The following NRAP variants were observed in gnomAD, a reference collection of about 807,000 sequenced individuals.
The protein encoded by NRAP is nebulin related anchoring protein.
Under a neutral mutation model 225.9 loss-of-function variants are expected in NRAP, and 189 were observed. The observed-to-expected ratio is 0.84, with a 90% CI of 0.74 to 0.94. The LOEUF is 0.94. Ranked by LOEUF, NRAP falls within the 40% of genes least tolerant of loss-of-function variation. The pLI, the probability that NRAP is intolerant of heterozygous loss-of-function variation, is 0.00. For synonymous variants in NRAP, 769 were observed against 790.7 expected (o/e 0.97, Z 0.46); for missense variants, 2,176 against 2,168.7 (o/e 1.00, Z -0.07).
Position 113,629,602 on chromosome 10 carries a change from C to A in NRAP, c.2026G>T (p.Gly676Trp). 6.2e-7 allele frequency: 1 copy of A among 1,612,150 alleles called. No homozygotes were observed. The highest frequency in any genetic ancestry group is 1.1e-5 in the South Asian group (1 of 90,994). Reference sequence around the variant, plus strand: ...TGTGGGCTCACCTCGCTCTGGAGCCCATAGGCCTTCTTGGCCCACTGAGTC... The same window carrying A: ...TGTGGGCTCACCTCGCTCTGGAGCCAATAGGCCTTCTTGGCCCACTGAGTC... The part of the protein sequence containing the change: ...MKTQWAKKAY[G>W]LQSELQYKAD... The change falls in exon 19 of 42, where the codon GGG becomes TGG. Residue 676 changes from glycine to tryptophan, a missense_variant. Physicochemically the swap from Gly to Trp is radical, Grantham distance 184. Coordinates refer to ENST00000359988, the MANE Select transcript of NRAP (RefSeq NM_198060.4).
intron 3 of NRAP, 112 bp downstream of exon 3, chr10:113,662,567 T>C (rs1008300401): frequency 5.3e-5 from 37 of 699,984 alleles, no homozygotes; most frequent in Non-Finnish European, 8.0e-5. Flanking sequence ...GAATTGTAGG[T>C]GTGAGCCACT....
At chr10:113,657,356 C>G (rs1325177427) in intron 4 of NRAP, 114 bp downstream of exon 4, 4 of 643,076 alleles carry the variant, frequency 6.2e-6, no homozygotes, top group East Asian at 2.7e-5. Context: ...GAATTACAAA[C>G]TGGGTGAAAG....
chr10:113,599,206 T>C (rs1162393612), intron 35 of NRAP, among the ~76,000 whole-genome samples: 6 of 152,180 alleles, frequency 3.9e-5, no homozygotes, highest in African/African-American at 1.2e-4. Context: ...ATTCACAGCG[T>C]TCCTCACAGC....
intron 14 of NRAP, among the ~76,000 whole-genome samples, chr10:113,639,091 CAAAAAAAAAAA>C (rs60509891): frequency 8.6e-6 from 1 of 115,818 alleles, no homozygotes; most frequent in Admixed American, 8.5e-5. Context: ...ATGTATATAG[CAAAAAAAAAAA>C]AAAAAAAAAA....
rs1381809304 is a variant in NRAP, at chr10:113,605,769, G to A, written c.3908C>T (p.Ala1303Val). 1.2e-6 allele frequency: 2 copies of A among 1,604,908 alleles called. No homozygotes were observed. Among genetic ancestry groups the A allele is most frequent in the Admixed American group, 3.3e-5 (2 of 59,992 alleles). ...FQAARASGDI[A>V]SDFLYRHDFV... ...TCATATCATTCAACTCACATCACTG[G>A]CTATATCTCCAGAGGCCCGGGCAGC... Residue 1303 changes from alanine to valine, a missense_variant, in exon 34 of 42, where the codon GCC becomes GTC. This residue lies in a region of NRAP where 1,708 missense variants were observed against 1,695.5 expected (regional missense o/e 1.01). Coordinates refer to ENST00000359988, the MANE Select transcript of NRAP (RefSeq NM_198060.4).
chr10:113,600,155 TTCTCTCTCTCTCTCTC>T (rs10529111), intron 35 of NRAP, among the ~76,000 whole-genome samples: 16 of 140,198 alleles, frequency 1.1e-4, no homozygotes, highest in South Asian at 2.3e-4. Context: ...AGGGGTTATA[TTCTCTCTCTCTCTCTC>T]TCTCTCTCTC....
chr10:113,610,689 C>T lies in NRAP; in HGVS notation c.3499-126G>A, dbSNP rs1475701271. Reference sequence around the variant, plus strand: ...CATAATTAGAACTCAAGGCTGAACCCGTCCCTCCGGATATATTAAACTCAG... The same window carrying T: ...CATAATTAGAACTCAAGGCTGAACCTGTCCCTCCGGATATATTAAACTCAG... On this transcript the variant is annotated intron_variant, in intron 30 of 41. Transcript: ENST00000359988. 19 of 623,610 alleles carry T rather than the reference C, an allele frequency of 3.0e-5. No homozygotes were observed. In the East Asian group the frequency reaches 4.5e-4, roughly 15 times the overall value. 38.6% of individuals were successfully genotyped at this position (623,610 alleles called of 1,614,324 possible).
chr10:113,602,392 C>T (rs1033016808), intron 35 of NRAP, among the ~76,000 whole-genome samples: 7 of 152,186 alleles, frequency 4.6e-5, no homozygotes, highest in African/African-American at 1.7e-4. Context: ...ACAAGAGGGT[C>T]CCTGGTTGGG....
At chr10:113,623,897 A>G (rs1435352144) in intron 22 of NRAP, among the ~76,000 whole-genome samples, 1 of 152,200 alleles carries the variant, frequency 6.6e-6, no homozygotes, top group Non-Finnish European at 1.5e-5. Context: ...GTTTTCGTGG[A>G]AGTCTCAAAA....
At chr10:113,590,343 A>G (rs2133810608) in intron 40 of NRAP, among the ~76,000 whole-genome samples, 1 of 152,322 alleles carries the variant, frequency 6.6e-6, no homozygotes, top group East Asian at 1.9e-4. Flanking sequence ...GGGTTGGCAT[A>G]AGTGCCAATG....
At chr10:113,614,615 G>A (rs996514355) in intron 28 of NRAP, among the ~76,000 whole-genome samples, 3 of 152,094 alleles carry the variant, frequency 2.0e-5, no homozygotes, top group Admixed American at 2.0e-4. Context: ...ATCTGCCCAG[G>A]GTCTATGTTT....
At chr10:113,629,141 C>A (rs1269993636) in intron 19 of NRAP, 120 bp from the exon 20 acceptor site, 2 of 750,726 alleles carry the variant, frequency 2.7e-6, no homozygotes, top group Non-Finnish European at 4.6e-6. Context: ...CTGCTCCCTG[C>A]TCCTTTATGG....
chr10:113,619,081 G>A (rs1329674780), intron 25 of NRAP, among the ~76,000 whole-genome samples: 1 of 152,198 alleles, frequency 6.6e-6, no homozygotes, highest in East Asian at 1.9e-4. Context: ...GGACTAGTAT[G>A]AGACAAGCCC....
At chr10:113,651,658 A>G in intron 7 of NRAP, 145 bp downstream of exon 7, 7 of 589,526 alleles carry the variant, frequency 1.2e-5, no homozygotes. Flanking sequence ...GTGTCCCTGC[A>G]AAGGACATGA....
intron 29 of NRAP, among the ~76,000 whole-genome samples, chr10:113,613,142 C>T (rs1847432914): frequency 6.6e-6 from 1 of 152,166 alleles, no homozygotes; most frequent in Admixed American, 6.5e-5. Flanking sequence ...CTGGCCACCC[C>T]TCCCTGACCT....
chr10:113,637,522 C>T (rs1262602385), intron 14 of NRAP, among the ~76,000 whole-genome samples: 1 of 152,214 alleles, frequency 6.6e-6, no homozygotes. Context: ...GAAATGCATT[C>T]TAGAAACAAA....
rs577580724 is a variant in NRAP, at chr10:113,607,231, C to G, written c.3703-949G>C. On this transcript the variant is annotated intron_variant, in intron 32 of 41. Coordinates refer to ENST00000359988, the MANE Select transcript of NRAP (RefSeq NM_198060.4). Reference sequence around the variant, plus strand: ...AACAAACAAACAAACAAAAACAAAACAAAACAAAAAACAAAAAAAAATTAG... The same window carrying G: ...AACAAACAAACAAACAAAAACAAAAGAAAACAAAAAACAAAAAAAAATTAG... Among the ~76,000 whole-genome samples the G allele has an allele frequency of 2.1e-5, 3 of 145,110 alleles. No individual in the cohort carries two copies. The South Asian group carries it at 6.7e-4, about 33-fold the overall frequency.
intron 33 of NRAP, 23 bp from the exon 34 acceptor site, chr10:113,605,892 T>G (rs1181962409): frequency 6.5e-7 from 1 of 1,545,618 alleles, no homozygotes; most frequent in Non-Finnish European, 8.9e-7. Context: ...CACATGTAAA[T>G]CTTTTTTAAA....
intron 4 of NRAP, among the ~76,000 whole-genome samples, chr10:113,655,221 G>T (rs1405232717): frequency 1.3e-5 from 2 of 152,154 alleles, no homozygotes; most frequent in African/African-American, 4.8e-5. Context: ...CACTGCCTTT[G>T]GGAGTATAAA....
Sources: gnomAD v4.1 joint callset for allele counts (sites outside exome capture counted in the v4.1 genomes callset) on GRCh38, gnomAD v4.1.1 for gene constraint, gnomAD v4.1.1 regional missense constraint, MANE v1.5 for transcripts, NCBI Gene and HGNC (gene_info 2026-07-23, HGNC 2026-07-21) for gene names.